PTPRZ1: variants seen among roughly 807,000 people sequenced by gnomAD.
PTPRZ1 encodes protein tyrosine phosphatase receptor type Z1.
PTPRZ1 carries 82 observed loss-of-function variants against 214.1 expected under a neutral mutation model. That is an observed-to-expected ratio of 0.38 (90% confidence interval 0.32 to 0.46). The LOEUF is 0.46. Among genes scored for constraint, PTPRZ1 ranks in the 20% least tolerant of loss-of-function variants. PTPRZ1 has a pLI of 1.00. For synonymous variants in PTPRZ1, 945 were observed against 987.9 expected (o/e 0.96, Z 0.81); for missense variants, 2,603 against 2,748.7 (o/e 0.95, Z 1.19).
intron 1 of PTPRZ1, among the ~76,000 whole-genome samples, chr7:121,912,882 T>C (rs1795318406): frequency 6.6e-6 from 1 of 152,132 alleles, no homozygotes; most frequent in Admixed American, 6.6e-5. Flanking sequence ...CAGTCACTGA[T>C]CTGAAAAAGG....
chr7:122,051,601 C>T (rs1240096079), intron 24 of PTPRZ1, 80 bp downstream of exon 24: 6 of 1,204,140 alleles, frequency 5.0e-6, no homozygotes, highest in Admixed American at 4.0e-5. Flanking sequence ...TATTTGTATA[C>T]CTTTGGAGCA....
intron 15 of PTPRZ1, among the ~76,000 whole-genome samples, chr7:122,032,311 CTTG>C (rs1294632456): frequency 6.6e-6 from 1 of 152,310 alleles, no homozygotes; most frequent in African/African-American, 2.4e-5. Flanking sequence ...CTGGGAATTA[CTTG>C]TTATTATTTC....
At chr7:122,037,880 A>C (rs1799597697) in intron 18 of PTPRZ1, among the ~76,000 whole-genome samples, 1 of 152,200 alleles carries the variant, frequency 6.6e-6, no homozygotes, top group Non-Finnish European at 1.5e-5. Flanking sequence ...GTTCTGTATT[A>C]GTCTATGAAG....
intron 18 of PTPRZ1, among the ~76,000 whole-genome samples, chr7:122,038,048 G>A (rs914464499): frequency 2.0e-5 from 3 of 152,158 alleles, no homozygotes; most frequent in Non-Finnish European, 2.9e-5. Context: ...TGAGTGCCCA[G>A]TAAGGAGGAA....
chr7:122,007,401 G>C (rs1036363818), intron 11 of PTPRZ1, among the ~76,000 whole-genome samples: 2 of 152,104 alleles, frequency 1.3e-5, no homozygotes, highest in Admixed American at 6.6e-5. Context: ...TGATTGGTAA[G>C]CTTGGCTTGG....
At chr7:121,940,130 C>A (rs1264498054) in intron 2 of PTPRZ1, among the ~76,000 whole-genome samples, 1 of 152,120 alleles carries the variant, frequency 6.6e-6, no homozygotes, top group African/African-American at 2.4e-5. Flanking sequence ...CATACACTTA[C>A]CCTATTGAAA....
At chr7:122,025,473 G>A (rs1348206770) in intron 13 of PTPRZ1, among the ~76,000 whole-genome samples, 1 of 151,860 alleles carries the variant, frequency 6.6e-6, no homozygotes, top group Non-Finnish European at 1.5e-5. Context: ...TGGATTACAG[G>A]CATGTGCCAC....
chr7:121,920,831 T>C (rs1352799174), intron 1 of PTPRZ1, among the ~76,000 whole-genome samples: 1 of 152,168 alleles, frequency 6.6e-6, no homozygotes, highest in East Asian at 1.9e-4. Context: ...TAGAGAATGC[T>C]TTAAGTGAAC....
intron 6 of PTPRZ1, among the ~76,000 whole-genome samples, chr7:121,977,171 G>T (rs990805087): frequency 6.6e-6 from 1 of 151,980 alleles, no homozygotes; most frequent in Non-Finnish European, 1.5e-5. Context: ...TTATACATCC[G>T]TTAAAGACTA....
At chr7:121,958,940 C>T (rs1306032675) in intron 2 of PTPRZ1, among the ~76,000 whole-genome samples, 2 of 152,158 alleles carry the variant, frequency 1.3e-5, no homozygotes, top group African/African-American at 4.8e-5. Context: ...TCTCCTGCCT[C>T]AGCCTCCTGA....
Position 121,951,487 on chromosome 7 carries a change from G to C in PTPRZ1, c.125-16464G>C, listed in dbSNP as rs545984382. 2.6e-5 allele frequency among the ~76,000 whole-genome samples: 4 copies of C among 152,182 alleles called. No individual in the cohort carries two copies. In the South Asian group the frequency reaches 8.3e-4, roughly 32 times the overall value. On this transcript the variant is annotated intron_variant, in intron 2 of 29. Coordinates refer to ENST00000393386, the MANE Select transcript of PTPRZ1 (RefSeq NM_002851.3). ...TGGTAGTGGCAAATGTGAAAACATA[G>C]GCATTGCATTCACTAAACTATAGCG...
chr7:121,896,515 A>G (rs1488924700), intron 1 of PTPRZ1, among the ~76,000 whole-genome samples: 1 of 152,198 alleles, frequency 6.6e-6, no homozygotes, highest in Non-Finnish European at 1.5e-5. Context: ...ATCACCCTTG[A>G]AAAACGGAAG....
intron 8 of PTPRZ1, among the ~76,000 whole-genome samples, chr7:121,986,620 G>A (rs543665236): frequency 4.7e-4 from 71 of 152,202 alleles, no homozygotes; most frequent in African/African-American, 1.6e-3. Flanking sequence ...GACTATGTGT[G>A]TATATTGTCA....
chr7:121,929,093 T>C (rs1381452528), intron 2 of PTPRZ1, among the ~76,000 whole-genome samples: 1 of 152,206 alleles, frequency 6.6e-6, no homozygotes, highest in African/African-American at 2.4e-5. Flanking sequence ...TTCTTTTTAA[T>C]TGCTATTTTA....
At position 121,967,835 on chromosome 7, in the gene PTPRZ1, T is replaced by A. The variant is rs117572456; in HGVS notation, c.125-116T>A. 29 of 717,390 alleles carry A rather than the reference T, an allele frequency of 4.0e-5. No homozygotes were observed. The East Asian group carries it at 8.6e-4, about 21-fold the overall frequency. The allele number at this position is 717,390 out of a possible 1,614,324, so 44.4% of individuals were successfully genotyped here. A position where few individuals can be genotyped will look rare whatever the true frequency, so the allele number is the denominator to read the frequency against. On this transcript the variant is annotated intron_variant, in intron 2 of 29. Transcript: ENST00000393386. ...TATTTCATGCATTAGTTCAAAGATGTCAAACATTTTTCTACTATTGCATCT... is the reference window on the plus strand; with the variant it reads ...TATTTCATGCATTAGTTCAAAGATGACAAACATTTTTCTACTATTGCATCT...
chr7:121,896,601 G>T (rs370163569), intron 1 of PTPRZ1, among the ~76,000 whole-genome samples: 1 of 151,956 alleles, frequency 6.6e-6, no homozygotes, highest in African/African-American at 2.4e-5. Flanking sequence ...GTGAAACCCC[G>T]CCTCTACTAA....
intron 2 of PTPRZ1, among the ~76,000 whole-genome samples, chr7:121,945,563 C>T (rs1796346706): frequency 6.6e-6 from 1 of 152,022 alleles, no homozygotes. Context: ...CACAGTATAC[C>T]TCCAGGTTAC....
intron 2 of PTPRZ1, among the ~76,000 whole-genome samples, chr7:121,956,326 G>A (rs1418314194): frequency 6.6e-6 from 1 of 152,004 alleles, no homozygotes; most frequent in Non-Finnish European, 1.5e-5. Context: ...TTTCAGTCAG[G>A]ACATGGGCAG....
chr7:121,957,252 C>T (rs115046063), intron 2 of PTPRZ1, among the ~76,000 whole-genome samples: 67 of 152,282 alleles, frequency 4.4e-4, no homozygotes, highest in African/African-American at 1.5e-3. Context: ...CGCGGATCTT[C>T]TCTGTGGTTC....
Sources: gnomAD v4.1 joint callset for allele counts (sites outside exome capture counted in the v4.1 genomes callset) on GRCh38, gnomAD v4.1.1 for gene constraint, MANE v1.5 for transcripts, NCBI Gene and HGNC (gene_info 2026-07-23, HGNC 2026-07-21) for gene names.